Variants in RBFOX2 observed in about 807,000 individuals in gnomAD.
The protein encoded by RBFOX2 is RNA binding fox-1 homolog 2, also known as RNA binding protein fox-1 homolog 2.
Under a neutral mutation model 49.1 loss-of-function variants are expected in RBFOX2, and 10 were observed. The ratio of observed to expected loss-of-function variants is 0.20; its 90% CI spans 0.13 to 0.35. RBFOX2 has a LOEUF of 0.35. Ranked by LOEUF, RBFOX2 falls within the 10% of genes least tolerant of loss-of-function variation. The probability of loss-of-function intolerance (pLI) is 1.00; values close to 1 mark genes in which losing one functional copy is unlikely to be tolerated. For missense variants in RBFOX2, 323 were observed against 486.9 expected (o/e 0.66, Z 3.17); for synonymous variants, 183 against 187.4 (o/e 0.98, Z 0.19).
upstream of RBFOX2, among the ~76,000 whole-genome samples, chr22:35,943,848 T>C (rs1000154235): frequency 6.6e-6 from 1 of 152,174 alleles, no homozygotes; most frequent in Non-Finnish European, 1.5e-5. Flanking sequence ...GAGCTTGCAG[T>C]GAGCCGAGAT....
At chr22:35,823,641 T>C (rs1343422976) in intron 1 of RBFOX2, among the ~76,000 whole-genome samples, 6 of 152,208 alleles carry the variant, frequency 3.9e-5, no homozygotes, top group Non-Finnish European at 8.8e-5. Context: ...TCCAGTTTCC[T>C]GTATATATTT....
At chr22:35,897,756 A>G in intron 1 of RBFOX2, 1 of 772,662 alleles carries the variant, frequency 1.3e-6, no homozygotes, top group Admixed American at 1.7e-5. Context: ...TATTTGCAAA[A>G]TAATTAAGGA....
At chr22:35,914,004 G>A (rs150206969) in intron 1 of RBFOX2, among the ~76,000 whole-genome samples, 1 of 152,284 alleles carries the variant, frequency 6.6e-6, no homozygotes, top group Non-Finnish European at 1.5e-5. Context: ...GCGGGGCTGT[G>A]AAAGAGGAGA....
intron 2 of RBFOX2, among the ~76,000 whole-genome samples, chr22:35,794,454 C>T (rs554288929): frequency 3.1e-4 from 47 of 152,086 alleles, no homozygotes; most frequent in African/African-American, 9.4e-4. Flanking sequence ...GTCAGGAGAT[C>T]GGGACCATCC....
At chr22:35,817,949 AACACACACAC>A (rs71322983) in intron 1 of RBFOX2, among the ~76,000 whole-genome samples, 1 of 143,464 alleles carries the variant, frequency 7.0e-6, no homozygotes, top group South Asian at 2.3e-4. Context: ...ATCACTTGTC[AACACACACAC>A]ACACACACAC....
intron 9 of RBFOX2, among the ~76,000 whole-genome samples, chr22:35,758,579 T>C (rs1937595789): frequency 1.3e-5 from 2 of 152,080 alleles, no homozygotes; most frequent in South Asian, 2.1e-4. Flanking sequence ...ATGTCAGAGG[T>C]TGAAGGTCAA....
At position 35,812,504 on chromosome 22, in the gene RBFOX2, C is replaced by A. The variant is rs552552743; in HGVS notation, c.28-2500G>T. On this transcript the variant is annotated intron_variant, in intron 1 of 11. Coordinates refer to ENST00000405409, the Ensembl canonical transcript of RBFOX2. ...ATTATTCAATGCTCTATCTCTCTGT[C>A]TCTCTCTAGCCATATGAAACATACT... is the stretch of plus-strand genomic sequence containing the variant. 1.2e-4 allele frequency among the ~76,000 whole-genome samples: 18 copies of A among 152,242 alleles called. No homozygotes were observed. In the South Asian group the frequency reaches 2.5e-3, roughly 21 times the overall value.
At chr22:36,001,224 CACA>C (rs2058408100) in intron 1 of RBFOX2, among the ~76,000 whole-genome samples, 1 of 123,210 alleles carries the variant, frequency 8.1e-6, no homozygotes, top group East Asian at 2.3e-4. Context: ...CACACACACA[CACA>C]CACACACTAT....
chr22:35,826,898 AATACC>A (rs1297392423), intron 1 of RBFOX2, among the ~76,000 whole-genome samples: 1 of 152,172 alleles, frequency 6.6e-6, no homozygotes, highest in Non-Finnish European at 1.5e-5. Context: ...TCTCTCTCAA[AATACC>A]ATACCTTAGT....
intron 2 of RBFOX2, among the ~76,000 whole-genome samples, chr22:35,788,131 AC>A (rs1182691698): frequency 4.6e-5 from 7 of 152,138 alleles, no homozygotes; most frequent in Non-Finnish European, 1.0e-4. Context: ...TTTTTAAAAT[AC>A]TTCTAACTAG....
intron 1 of RBFOX2, among the ~76,000 whole-genome samples, chr22:35,931,287 T>C (rs149407079): frequency 1.3e-4 from 19 of 145,614 alleles, no homozygotes; most frequent in African/African-American, 4.3e-4. Flanking sequence ...CTTCCTGTAA[T>C]TTAAGAGCAA....
intron 1 of RBFOX2, among the ~76,000 whole-genome samples, chr22:35,988,282 A>T (rs1463604063): frequency 6.6e-6 from 1 of 152,216 alleles, no homozygotes; most frequent in Non-Finnish European, 1.5e-5. Flanking sequence ...ACAACCATTA[A>T]ATGGCAATAA....
chr22:36,014,120 T>G (rs956021825), intron 1 of RBFOX2, among the ~76,000 whole-genome samples: 1 of 151,666 alleles, frequency 6.6e-6, no homozygotes, highest in Admixed American at 6.6e-5. Flanking sequence ...CTATTATCAT[T>G]TCTTTTTTTT....
chr22:35,914,664 G>A (rs2050202170), intron 1 of RBFOX2, among the ~76,000 whole-genome samples: 1 of 152,200 alleles, frequency 6.6e-6, no homozygotes, highest in Admixed American at 6.5e-5. Flanking sequence ...CTCAGCTACA[G>A]CTCCGGAGTT....
intron 1 of RBFOX2, among the ~76,000 whole-genome samples, chr22:35,831,610 G>A (rs912376700): frequency 2.0e-4 from 31 of 152,232 alleles, no homozygotes; most frequent in African/African-American, 6.7e-4. Flanking sequence ...CAGCACAGCC[G>A]GGTAGTTGTG....
chr22:36,005,144 C>T (rs1385337745), intron 1 of RBFOX2, among the ~76,000 whole-genome samples: 1 of 152,158 alleles, frequency 6.6e-6, no homozygotes. Context: ...GGAAAAACAG[C>T]TCTCTCTGAA....
intron 4 of RBFOX2, among the ~76,000 whole-genome samples, chr22:35,770,715 C>G (rs777736120): frequency 2.0e-5 from 3 of 152,072 alleles, no homozygotes; most frequent in Non-Finnish European, 4.4e-5. Context: ...ATTAGTGATA[C>G]AATAACTGCA....
In RBFOX2 at chr22:35,767,622, C is replaced by T. The variant is rs5995167; in HGVS notation, c.546+635G>A. ...GGTAGACTTGGTCATAATCACAGTA[C>T]ATTCGCCAGCCAGCCATCATACCCT... is the stretch of plus-strand genomic sequence containing the variant. On this transcript the variant is annotated intron_variant, in intron 5 of 11. Transcript: ENST00000405409. Among the ~76,000 whole-genome samples, 17 of 152,280 alleles carry T rather than the reference C, an allele frequency of 1.1e-4. 1 individual carries two copies. The highest frequency in any genetic ancestry group is 4.1e-4 in the African/African-American group (17 of 41,554).
intron 1 of RBFOX2, chr22:35,898,291 A>G: frequency 1.3e-6 from 1 of 746,986 alleles, no homozygotes; most frequent in South Asian, 1.4e-5. Context: ...GTATGAGGGC[A>G]TGATGAAGCT....
Sources: allele counts gnomAD v4.1 joint callset (sites outside exome capture counted in the v4.1 genomes callset), GRCh38; gene constraint gnomAD v4.1.1; transcripts MANE v1.5; gene names NCBI Gene and HGNC (gene_info 2026-07-23, HGNC 2026-07-21).